MYRFL: variants seen among roughly 807,000 people sequenced by gnomAD.
The protein encoded by MYRFL is myelin regulatory factor-like protein.
In MYRFL, 88 loss-of-function variants were observed where a neutral mutation model predicts 109.4. The observed-to-expected ratio is 0.80, with a 90% CI of 0.68 to 0.96. MYRFL has a LOEUF of 0.96. Among genes scored for constraint, MYRFL ranks in the 40% least tolerant of loss-of-function variants. The pLI is 0.00. For synonymous variants in MYRFL, 324 were observed against 320.9 expected (o/e 1.01, Z -0.10); for missense variants, 957 against 954.9 (o/e 1.00, Z -0.03).
intron 6 of MYRFL, among the ~76,000 whole-genome samples, chr12:69,889,729 G>C (rs756710782): frequency 2.6e-5 from 4 of 152,100 alleles, no homozygotes; most frequent in Non-Finnish European, 5.9e-5. Flanking sequence ...GGTAGCTGGA[G>C]CCTGTAATCC....
intron 2 of MYRFL, among the ~76,000 whole-genome samples, chr12:69,873,771 C>T (rs977202445): frequency 1.3e-5 from 2 of 151,784 alleles, no homozygotes; most frequent in African/African-American, 4.8e-5. Flanking sequence ...TAACTGAAAC[C>T]TTAGAAAGTG....
At chr12:69,842,473 G>A (rs1883300563) in intron 1 of MYRFL, among the ~76,000 whole-genome samples, 1 of 152,158 alleles carries the variant, frequency 6.6e-6, no homozygotes, top group African/African-American at 2.4e-5. Flanking sequence ...CTTAGGATTT[G>A]TATAATAAAA....
rs566732578 is a variant in MYRFL at position 69,881,331 on chromosome 12, G to A, written c.556+1039G>A. On this transcript the variant is annotated intron_variant, in intron 5 of 24. Transcript: ENST00000552032. ...TGTGGGCAGTGTGAACAAATTCAGC[G>A]TACCAAGTCCCATTTCTTCTATCCC... is the stretch of plus-strand genomic sequence containing the variant. 2.8e-4 allele frequency among the ~76,000 whole-genome samples: 43 copies of A among 152,268 alleles called. 1 individual carries two copies. In the South Asian group the frequency reaches 6.8e-3, roughly 24 times the overall value.
intron 6 of MYRFL, among the ~76,000 whole-genome samples, chr12:69,888,406 T>G (rs1886586386): frequency 6.6e-6 from 1 of 152,240 alleles, no homozygotes. Flanking sequence ...AATATCATTT[T>G]CTTAAGTAAC....
intron 10 of MYRFL, among the ~76,000 whole-genome samples, chr12:69,903,331 T>G (rs949143652): frequency 1.3e-5 from 2 of 152,240 alleles, no homozygotes; most frequent in Non-Finnish European, 2.9e-5. Flanking sequence ...TAGCCATTTT[T>G]AGTTTTCTTC....
At chr12:69,836,275 G>T (rs1565960692) in intron 1 of MYRFL, among the ~76,000 whole-genome samples, 2 of 152,142 alleles carry the variant, frequency 1.3e-5, no homozygotes, top group African/African-American at 4.8e-5. Flanking sequence ...AGCTGCTTCT[G>T]TCTCTGCCTT....
intron 11 of MYRFL, among the ~76,000 whole-genome samples, chr12:69,906,273 C>T (rs1015471075): frequency 5.9e-5 from 9 of 152,056 alleles, no homozygotes; most frequent in Admixed American, 3.3e-4. Flanking sequence ...GAGAAGATGA[C>T]GCAGATATGA....
chr12:69,958,406 A>G (rs1956142293), intron 24 of MYRFL, 39 bp from the exon 25 acceptor site: 1 of 1,509,058 alleles, frequency 6.6e-7, no homozygotes, highest in Non-Finnish European at 8.8e-7. Flanking sequence ...GTTAATTTTT[A>G]CATTAATCTT....
chr12:69,946,979 C>A (rs1955856133), intron 19 of MYRFL: 1 of 152,322 alleles, frequency 6.6e-6, no homozygotes, highest in Non-Finnish European at 1.5e-5. Flanking sequence ...TTGCCTCTGT[C>A]CATTGCAATG....
At chr12:69,928,440 G>A (rs1021014163) in intron 15 of MYRFL, among the ~76,000 whole-genome samples, 3 of 152,184 alleles carry the variant, frequency 2.0e-5, no homozygotes, top group African/African-American at 7.2e-5. Context: ...CTTCCCTGGG[G>A]AAGATATCCA....
At chr12:69,856,854 T>C (rs1243173858) in intron 2 of MYRFL, among the ~76,000 whole-genome samples, 2 of 152,000 alleles carry the variant, frequency 1.3e-5, no homozygotes, top group African/African-American at 4.8e-5. Context: ...TATGTTTTTA[T>C]AATCTTAACA....
intron 16 of MYRFL, among the ~76,000 whole-genome samples, chr12:69,934,569 G>A (rs1030469023): frequency 3.8e-4 from 58 of 152,186 alleles, no homozygotes; most frequent in Admixed American, 3.1e-3. Context: ...CTTGTCCAGC[G>A]TCTGAGAAGA....
intron 2 of MYRFL, among the ~76,000 whole-genome samples, chr12:69,869,060 G>A (rs1885188570): frequency 6.6e-6 from 1 of 152,224 alleles, no homozygotes; most frequent in Non-Finnish European, 1.5e-5. Flanking sequence ...GAAAGTTCAT[G>A]CGGAAAGATA....
At chr12:69,892,799 A>G (rs1330535387) in intron 7 of MYRFL, among the ~76,000 whole-genome samples, 2 of 152,250 alleles carry the variant, frequency 1.3e-5, no homozygotes, top group Middle Eastern at 3.2e-3. Context: ...GAAATGTATG[A>G]AAAAGAGATG....
intron 1 of MYRFL, among the ~76,000 whole-genome samples, chr12:69,836,561 A>G (rs1882954385): frequency 1.3e-5 from 2 of 152,236 alleles, no homozygotes; most frequent in Non-Finnish European, 2.9e-5. Flanking sequence ...CTGTGTGAAT[A>G]TAAGAGTAAG....
Position 69,870,099 on chromosome 12 carries a change from CTTTTTTTTTT to C in MYRFL, c.138-8911_138-8902del, listed in dbSNP as rs754843682. The stretch of plus-strand genomic sequence containing the variant: ...GCTAAGAATCTCTTGATTTTTCTTC[CTTTTTTTTTT>C]TTTTTTTTTTTTTTTTTGGGACAGA... On this transcript the variant is annotated intron_variant, in intron 2 of 24. Transcript: ENST00000552032. Among the ~76,000 whole-genome samples the C allele has an allele frequency of 2.4e-3, 194 of 81,330 alleles. 3 individuals are homozygous for C. Among genetic ancestry groups the C allele is most frequent in the Admixed American group, 4.6e-3 (30 of 6,476 alleles). The allele number at this position is 81,330 out of a possible 152,430, so 53.4% of individuals were successfully genotyped here.
intron 2 of MYRFL, among the ~76,000 whole-genome samples, chr12:69,869,514 G>C (rs919028915): frequency 7.9e-5 from 12 of 152,144 alleles, no homozygotes; most frequent in African/African-American, 2.4e-4. Flanking sequence ...GGTCAGGAAA[G>C]CTCTCTCCTG....
chr12:69,857,667 A>G (rs1884380667), intron 2 of MYRFL, among the ~76,000 whole-genome samples: 1 of 151,558 alleles, frequency 6.6e-6, no homozygotes, highest in Admixed American at 6.6e-5. Flanking sequence ...TTTAGTTCCA[A>G]TTATTCATCA....
intron 19 of MYRFL, among the ~76,000 whole-genome samples, chr12:69,944,817 T>G (rs1194054172): frequency 6.6e-6 from 1 of 152,190 alleles, no homozygotes; most frequent in Non-Finnish European, 1.5e-5. Context: ...CCAAGGCGTG[T>G]GTATACCTAT....
Sources: gnomAD v4.1 joint callset for allele counts (sites outside exome capture counted in the v4.1 genomes callset) on GRCh38, gnomAD v4.1.1 for gene constraint, MANE v1.5 for transcripts, NCBI Gene and HGNC (gene_info 2026-07-23, HGNC 2026-07-21) for gene names.